The following KCTD9 variants were observed in gnomAD, a reference collection of about 807,000 sequenced individuals.
KCTD9 encodes the protein potassium channel tetramerization domain containing 9, also known as BTB/POZ domain-containing protein KCTD9.
Under a neutral mutation model 53.3 loss-of-function variants are expected in KCTD9, and 17 were observed. The ratio of observed to expected loss-of-function variants is 0.32; its 90% CI spans 0.22 to 0.48. The LOEUF (loss-of-function observed/expected upper bound fraction) is 0.48. KCTD9 is among the 20% of genes least tolerant of loss of function. KCTD9 has a pLI of 0.99. For synonymous variants in KCTD9, 128 were observed against 162.7 expected, an observed-to-expected ratio of 0.79 and a Z score of 1.62; for missense variants, 179 against 465.5, an observed-to-expected ratio of 0.38 and a Z score of 5.66.
At chr8:25,454,071 G>C (rs1381779486) in intron 1 of KCTD9, among the ~76,000 whole-genome samples, 2 of 152,056 alleles carry the variant, frequency 1.3e-5, no homozygotes, top group Non-Finnish European at 2.9e-5. Context: ...TGTTGTTTTA[G>C]AGATGGGATC....
intron 3 of KCTD9, among the ~76,000 whole-genome samples, chr8:25,443,365 G>T (rs1802157078): frequency 6.6e-6 from 1 of 152,118 alleles, no homozygotes; most frequent in Non-Finnish European, 1.5e-5. Context: ...TTGTTAAAAA[G>T]ACCCGAAGAG....
intron 1 of KCTD9, among the ~76,000 whole-genome samples, chr8:25,449,144 A>T (rs1324052393): frequency 2.0e-5 from 3 of 152,228 alleles, no homozygotes; most frequent in Non-Finnish European, 4.4e-5. Context: ...GCAAACATGC[A>T]AAGGAGCAAG....
chr8:25,436,887 G>A (rs1353087018), intron 6 of KCTD9, among the ~76,000 whole-genome samples: 1 of 152,108 alleles, frequency 6.6e-6, no homozygotes, highest in Admixed American at 6.5e-5. Context: ...AATACATTTG[G>A]GTTCCATTAT....
rs963592008 is a variant in KCTD9, at chr8:25,438,466, A to C, written c.499+813T>G. ...TTCAGCATGTAATGTTTTCAAAACA[A>C]AAACATGTCACATAAAATTTTAGAT... On this transcript the variant is annotated intron_variant, in intron 6 of 11. Transcript: ENST00000221200. 2.0e-5 allele frequency among the ~76,000 whole-genome samples: 3 copies of C among 152,368 alleles called. No homozygotes were observed. In the East Asian group the frequency reaches 5.8e-4, roughly 29 times the overall value.
rs570313279 is a variant in KCTD9 at position 25,453,234 on chromosome 8, G to C, written c.48+4965C>G. On this transcript the variant is annotated intron_variant, in intron 1 of 11. Coordinates refer to ENST00000221200, the MANE Select transcript of KCTD9 (RefSeq NM_017634.4). ...TAGCTGGGAGTGGTGGCACGTGCCT[G>C]TAATTCCAGCTACTCAGGAGGCTGA... Among the ~76,000 whole-genome samples, 122 of 152,134 alleles carry C rather than the reference G, an allele frequency of 8.0e-4. 2 individuals are homozygous for C. In the South Asian group the frequency reaches 0.025, roughly 31 times the overall value.
Position 25,436,254 on chromosome 8 carries a change from T to G in KCTD9, c.644A>C (p.Lys215Thr). ...FVRFLLATPT[K>T]SELRCQGLNF... ...AATTACCTGGCATCGCAGTTCTGAC[T>G]TGGTTGGAGTTGCTAGCAAAAATCG... The change falls in exon 8 of 12, where the codon AAG (lysine) becomes ACG (threonine). Residue 215 changes from lysine (K) to threonine (T), a missense_variant. Transcript: ENST00000221200. 1 of 1,605,932 alleles carries G rather than the reference T, an allele frequency of 6.2e-7. No homozygotes were observed. The highest frequency in any genetic ancestry group is 8.5e-7 in the Non-Finnish European group (1 of 1,174,136).
At chr8:25,442,376 A>T (rs1802139311) in intron 3 of KCTD9, among the ~76,000 whole-genome samples, 1 of 152,230 alleles carries the variant, frequency 6.6e-6, no homozygotes, top group Non-Finnish European at 1.5e-5. Context: ...AAAATGCAGT[A>T]ACATATTTAA....
chr8:25,444,207 G>A (rs1802173244), intron 3 of KCTD9, 85 bp downstream of exon 3: 1 of 1,062,276 alleles, frequency 9.4e-7, no homozygotes, highest in Non-Finnish European at 1.4e-6. Context: ...TAATGTTTAA[G>A]CTTAATAGCC....
intron 2 of KCTD9, among the ~76,000 whole-genome samples, chr8:25,445,462 C>T (rs1261388873): frequency 6.6e-6 from 1 of 152,060 alleles, no homozygotes; most frequent in East Asian, 1.9e-4. Flanking sequence ...TCATGTTTTG[C>T]CAATTAAATG....
intron 8 of KCTD9, 77 bp downstream of exon 8, chr8:25,436,158 C>G: frequency 1.1e-6 from 1 of 925,180 alleles, no homozygotes; most frequent in Non-Finnish European, 1.8e-6. Context: ...AAGATAATCC[C>G]AAAACACTAG....
At position 25,428,393 on chromosome 8, in the gene KCTD9, G is replaced by A. The variant is rs1326388464; in HGVS notation, c.*1464C>T. On this transcript the variant is annotated 3_prime_UTR_variant, in exon 12 of 12. Coordinates refer to ENST00000221200, the MANE Select transcript of KCTD9 (RefSeq NM_017634.4). ...TATGTACCCTTTACTGTTAAGGAAA[G>A]CTTTGCATATGTAGATATAGAAGAA... 1 of 152,520 alleles carries A rather than the reference G, an allele frequency of 6.6e-6. No individual in the cohort carries two copies. The highest frequency in any genetic ancestry group is 2.4e-5 in the African/African-American group (1 of 41,432). The allele number at this position is 152,520 out of a possible 1,614,324, so 9.4% of individuals were successfully genotyped here. A position where few individuals can be genotyped will look rare whatever the true frequency, so the allele number is the denominator to read the frequency against.
At chr8:25,449,831 ATG>A in intron 1 of KCTD9, among the ~76,000 whole-genome samples, 1 of 150,852 alleles carries the variant, frequency 6.6e-6, no homozygotes, top group Non-Finnish European at 1.5e-5. Flanking sequence ...AAAAAAAAAA[ATG>A]AAGAAAAAAA....
intron 1 of KCTD9, 91 bp downstream of exon 1, chr8:25,458,108 C>A (rs1802508143): frequency 1.5e-6 from 2 of 1,312,456 alleles, no homozygotes; most frequent in South Asian, 1.3e-5. Flanking sequence ...AGCCCCTCTA[C>A]CCAACTTCAC....
chr8:25,431,404 T>C (rs1486645567), intron 11 of KCTD9, among the ~76,000 whole-genome samples: 1 of 152,118 alleles, frequency 6.6e-6, no homozygotes, highest in African/African-American at 2.4e-5. Flanking sequence ...TCTTAATTTG[T>C]CTTGAGATCA....
intron 1 of KCTD9, among the ~76,000 whole-genome samples, chr8:25,448,598 A>C (rs1175749332): frequency 6.6e-6 from 1 of 152,222 alleles, no homozygotes; most frequent in African/African-American, 2.4e-5. Context: ...TCCTACACAC[A>C]GCAGGCTTGC....
At chr8:25,458,072 C>T in intron 1 of KCTD9, 127 bp downstream of exon 1, 1 of 946,190 alleles carries the variant, frequency 1.1e-6, no homozygotes, top group Non-Finnish European at 1.6e-6. Context: ...CCCCGAGCGC[C>T]CCCAGCCCGC....
At chr8:25,448,641 G>A (rs1040269044) in intron 1 of KCTD9, among the ~76,000 whole-genome samples, 9 of 152,174 alleles carry the variant, frequency 5.9e-5, no homozygotes, top group Admixed American at 2.6e-4. Flanking sequence ...AGGGCTGGGC[G>A]CGGTGGCTCA....
At position 25,458,398 on chromosome 8, in the gene KCTD9, G is replaced by T; in HGVS notation, c.-152C>A. 1.2e-6 allele frequency: 1 copy of T among 830,720 alleles called. No homozygotes were observed. The highest frequency in any genetic ancestry group is 2.0e-6 in the Non-Finnish European group (1 of 510,814). The allele number at this position is 830,720 out of a possible 1,614,324, so 51.5% of individuals were successfully genotyped here. ...GCCCTTGGGGACACACCACACGCAC[G>T]CACTCTGTCCCACACCCAAGGTTCG... On this transcript the variant is annotated 5_prime_UTR_variant, in exon 1 of 12. Coordinates refer to ENST00000221200, the MANE Select transcript of KCTD9 (RefSeq NM_017634.4).
At chr8:25,447,988 C>T (rs1479062822) in intron 1 of KCTD9, among the ~76,000 whole-genome samples, 1 of 151,862 alleles carries the variant, frequency 6.6e-6, no homozygotes, top group East Asian at 1.9e-4. Context: ...AGTAGCCAAG[C>T]ATGGAGGCAC....
Sources: allele counts gnomAD v4.1 joint callset (sites outside exome capture counted in the v4.1 genomes callset), GRCh38; gene constraint gnomAD v4.1.1; transcripts MANE v1.5; gene names NCBI Gene and HGNC (gene_info 2026-07-23, HGNC 2026-07-21).